TXNL4A: variants seen among roughly 807,000 people sequenced by gnomAD.
TXNL4A encodes the protein thioredoxin-like protein 4A.
In TXNL4A, 17 loss-of-function variants were observed where a neutral mutation model predicts 14.6. That is an observed-to-expected ratio of 1.16 (90% CI 0.80 to 1.74). TXNL4A has a LOEUF of 1.74. Ranked by LOEUF, TXNL4A falls within the 40% of genes most tolerant of loss-of-function variation. TXNL4A has a pLI of 0.00. For synonymous variants in TXNL4A, 83 were observed against 70.6 expected (o/e 1.18, Z -0.88); for missense variants, 74 against 195.2 (o/e 0.38, Z 3.70).
intron 1 of TXNL4A, among the ~76,000 whole-genome samples, chr18:80,031,641 A>G (rs2051922297): frequency 6.6e-6 from 1 of 152,202 alleles, no homozygotes; most frequent in African/African-American, 2.4e-5. Context: ...TGATGGCTAC[A>G]TGAGTTACCT....
intron 1 of TXNL4A, among the ~76,000 whole-genome samples, chr18:80,018,860 G>A (rs116396415): frequency 0.011 from 1,654 of 152,304 alleles, 21 homozygotes; most frequent in African/African-American, 0.035. Context: ...AAGTTCCACA[G>A]TTCTCTAGGG....
At chr18:80,016,313 G>A (rs2051809223) in intron 1 of TXNL4A, among the ~76,000 whole-genome samples, 1 of 152,148 alleles carries the variant, frequency 6.6e-6, no homozygotes, top group Admixed American at 6.5e-5. Context: ...TTTGTAGGCT[G>A]CCTGTTCACT....
intron 1 of TXNL4A, among the ~76,000 whole-genome samples, chr18:80,014,003 C>G (rs1172050194): frequency 6.6e-6 from 1 of 152,198 alleles, no homozygotes; most frequent in Admixed American, 6.5e-5. Flanking sequence ...CTGATAAACC[C>G]ATCAGCTCTC....
chr18:79,977,566 T>C (rs1175873101), intron 2 of TXNL4A, 32 bp downstream of exon 2: 8 of 1,475,884 alleles, frequency 5.4e-6, no homozygotes, highest in Non-Finnish European at 7.5e-6. Context: ...CTGACAATAT[T>C]CAATTTCAGT....
chr18:80,001,893 T>C (rs992206711), intron 1 of TXNL4A, among the ~76,000 whole-genome samples: 2 of 152,116 alleles, frequency 1.3e-5, no homozygotes, highest in African/African-American at 2.4e-5. Context: ...CTAAAAGGAC[T>C]TTGGGGGACT....
At chr18:80,004,250 A>G (rs1305148555) in intron 1 of TXNL4A, among the ~76,000 whole-genome samples, 1 of 152,074 alleles carries the variant, frequency 6.6e-6, no homozygotes, top group African/African-American at 2.4e-5. Context: ...GTTGCTTGCC[A>G]GGCGTTTGAT....
intron 1 of TXNL4A, among the ~76,000 whole-genome samples, chr18:80,012,924 G>A (rs2051780158): frequency 6.6e-6 from 1 of 150,990 alleles, no homozygotes; most frequent in Non-Finnish European, 1.5e-5. Flanking sequence ...CCGCCCCCTC[G>A]CCCGTCACGC....
intron 1 of TXNL4A, among the ~76,000 whole-genome samples, chr18:79,986,255 C>T (rs928781691): frequency 1.3e-5 from 2 of 152,208 alleles, no homozygotes; most frequent in East Asian, 1.9e-4. Context: ...AGGCTGGTCT[C>T]GAATCCCTGG....
Position 79,970,990 on chromosome 18 carries a change from C to CA in TXNL4A, c.*2694dup, listed in dbSNP as rs1252759101. On this transcript the variant is annotated 3_prime_UTR_variant, in exon 3 of 3. Coordinates refer to ENST00000269601, the MANE Select transcript of TXNL4A (RefSeq NM_006701.5). ...TTATGTAAGCACATTTTCATTACAT[C>CA]AAAAATAAAACTGCCCATTAGCTGT... 3 of 153,512 alleles carry CA rather than the reference C, an allele frequency of 2.0e-5. No individual in the cohort carries two copies. Among genetic ancestry groups the CA allele is most frequent in the African/African-American group, 7.2e-5 (3 of 41,452 alleles). 9.5% of individuals were successfully genotyped at this position (153,512 alleles called of 1,614,324 possible).
intron 1 of TXNL4A, chr18:79,977,953 G>C (rs2051404410): frequency 2.1e-6 from 1 of 483,144 alleles, no homozygotes; most frequent in Non-Finnish European, 3.7e-6. Context: ...ATAGGAGTGA[G>C]CCATCACTCC....
chr18:79,975,573 T>C, intron 2 of TXNL4A, among the ~76,000 whole-genome samples: 1 of 152,196 alleles, frequency 6.6e-6, no homozygotes, highest in East Asian at 1.9e-4. Context: ...TGTTCTCACC[T>C]GAAGAATTCT....
intron 1 of TXNL4A, among the ~76,000 whole-genome samples, chr18:80,032,892 G>A (rs1208766226): frequency 6.6e-6 from 1 of 152,094 alleles, no homozygotes; most frequent in East Asian, 1.9e-4. Context: ...ATCTTTACAG[G>A]TGCAGTCACC....
chr18:79,996,999 A>G (rs894579630), intron 1 of TXNL4A, among the ~76,000 whole-genome samples: 3 of 152,170 alleles, frequency 2.0e-5, no homozygotes, highest in Non-Finnish European at 2.9e-5. Flanking sequence ...TAATGTTAAG[A>G]CACCATTTTG....
chr18:80,023,269 G>GT (rs1262314674), intron 1 of TXNL4A, among the ~76,000 whole-genome samples: 9 of 152,174 alleles, frequency 5.9e-5, no homozygotes, highest in Admixed American at 2.0e-4. Flanking sequence ...TGAAAGTGGA[G>GT]TTTTTTTGTT....
intron 1 of TXNL4A, among the ~76,000 whole-genome samples, chr18:80,003,704 G>GA (rs1014176592): frequency 6.6e-6 from 1 of 152,112 alleles, no homozygotes; most frequent in African/African-American, 2.4e-5. Context: ...ATGCTGCTAT[G>GA]AAAAAACACC....
At chr18:79,977,139 A>C (rs1002459019) in intron 2 of TXNL4A, among the ~76,000 whole-genome samples, 1 of 151,996 alleles carries the variant, frequency 6.6e-6, no homozygotes, top group Non-Finnish European at 1.5e-5. Flanking sequence ...TTGTATTTTT[A>C]GTAGAGACTC....
At chr18:80,015,307 G>A (rs1012275431) in intron 1 of TXNL4A, among the ~76,000 whole-genome samples, 2 of 151,304 alleles carry the variant, frequency 1.3e-5, no homozygotes, top group Non-Finnish European at 2.9e-5. Flanking sequence ...CAAATTTTCT[G>A]AACTTTTATG....
intron 1 of TXNL4A, among the ~76,000 whole-genome samples, chr18:80,013,361 T>TC (rs1224690882): frequency 2.0e-5 from 3 of 151,210 alleles, no homozygotes; most frequent in Non-Finnish European, 4.4e-5. Flanking sequence ...TACCTCATGA[T>TC]CCCCCCGCCT....
At chr18:79,985,278 C>T (rs1248709032) in intron 1 of TXNL4A, among the ~76,000 whole-genome samples, 1 of 151,490 alleles carries the variant, frequency 6.6e-6, no homozygotes, top group Non-Finnish European at 1.5e-5. Flanking sequence ...TTTTTTGAGA[C>T]AGGGTCTCGC....
Sources: gnomAD v4.1 joint callset for allele counts (sites outside exome capture counted in the v4.1 genomes callset) on GRCh38, gnomAD v4.1.1 for gene constraint, MANE v1.5 for transcripts, NCBI Gene and HGNC (gene_info 2026-07-23, HGNC 2026-07-21) for gene names.